Variants in SPTLC2 observed in about 807,000 individuals in gnomAD.
SPTLC2 encodes the protein serine palmitoyltransferase long chain base subunit 2.
Under a neutral mutation model 62.0 loss-of-function variants are expected in SPTLC2, and 21 were observed. The ratio of observed to expected loss-of-function variants is 0.34; its 90% CI spans 0.24 to 0.49. The LOEUF (loss-of-function observed/expected upper bound fraction) is 0.49. SPTLC2 is among the 20% of genes least tolerant of loss of function. The probability of loss-of-function intolerance (pLI) is 0.99; values close to 1 mark genes in which losing one functional copy is unlikely to be tolerated. For missense variants in SPTLC2, 511 were observed against 713.0 expected, an observed-to-expected ratio of 0.72 and a Z score of 3.23; for synonymous variants, 261 against 261.8, an observed-to-expected ratio of 1.00 and a Z score of 0.03.
chr14:77,552,242 A>G lies in SPTLC2; in HGVS notation c.1177-20T>C. 3 of 1,613,784 alleles carry G rather than the reference A, an allele frequency of 1.9e-6. No homozygotes were observed. Among genetic ancestry groups the G allele is most frequent in the East Asian group, 2.2e-5 (1 of 44,876 alleles). On this transcript the variant is annotated intron_variant, in intron 8 of 11. Coordinates refer to ENST00000216484, the MANE Select transcript of SPTLC2 (RefSeq NM_004863.4). ...CAGCTCCTGGGGAGTTCACAGAGGC[A>G]GATAAGTAGAGACAATTCTTGCATT...
At chr14:77,577,963 G>T (rs1285632145) in intron 3 of SPTLC2, among the ~76,000 whole-genome samples, 1 of 151,976 alleles carries the variant, frequency 6.6e-6, no homozygotes, top group Admixed American at 6.6e-5. Flanking sequence ...TGGCCAACAT[G>T]GTGAAACCTC....
At chr14:77,531,419 C>T (rs1289007181) in intron 9 of SPTLC2, among the ~76,000 whole-genome samples, 6 of 125,818 alleles carry the variant, frequency 4.8e-5, no homozygotes. Flanking sequence ...GGGACCATGA[C>T]TTTCTTCTTC....
chr14:77,517,970 A>G lies in SPTLC2; in HGVS notation c.1569+68T>C, dbSNP rs150890999. 1.2e-5 allele frequency: 20 copies of G among 1,602,676 alleles called. No individual in the cohort carries two copies. In the East Asian group the frequency reaches 4.5e-4, roughly 36 times the overall value. On this transcript the variant is annotated intron_variant, in intron 11 of 11. Transcript: ENST00000216484. ...GAACATCAAGATCAATATATTATGA[A>G]TTTCATCTAATATACAGGCCCTTTT... is the stretch of plus-strand genomic sequence containing the variant.
At chr14:77,578,547 T>C (rs1412123488) in intron 3 of SPTLC2, among the ~76,000 whole-genome samples, 2 of 151,966 alleles carry the variant, frequency 1.3e-5, no homozygotes, top group Non-Finnish European at 2.9e-5. Flanking sequence ...TGAAACCCCA[T>C]CTCTACTAAA....
At chr14:77,531,470 C>T (rs1157561402) in intron 9 of SPTLC2, among the ~76,000 whole-genome samples, 74 of 91,368 alleles carry the variant, frequency 8.1e-4, no homozygotes, top group African/African-American at 2.7e-3. Flanking sequence ...TCCTCCTCCT[C>T]CTCCCCCTCC....
Position 77,516,246 on chromosome 14 carries a change from T to C in SPTLC2, c.1569+1792A>G, listed in dbSNP as rs191175343. Among the ~76,000 whole-genome samples, 371 of 152,296 alleles carry C rather than the reference T, an allele frequency of 2.4e-3. 2 individuals carry two copies. Among genetic ancestry groups the C allele is most frequent in the Non-Finnish European group, 4.4e-3 (297 of 68,024 alleles). On this transcript the variant is annotated intron_variant, in intron 11 of 11. Transcript: ENST00000216484. ...CCAACAATCCCTCAAGAGAATCTTA[T>C]GAAAAGGATTAGAACTCTCAGTTGG...
chr14:77,576,683 T>C (rs1297172612), intron 4 of SPTLC2, 84 bp downstream of exon 4: 4 of 1,572,510 alleles, frequency 2.5e-6, no homozygotes, highest in East Asian at 2.2e-5. Flanking sequence ...AGATATTTAA[T>C]ACTCTAGGTC....
chr14:77,610,118 T>C (rs1482402014), intron 1 of SPTLC2, among the ~76,000 whole-genome samples: 1 of 140,932 alleles, frequency 7.1e-6, no homozygotes, highest in African/African-American at 2.6e-5. Context: ...CCTAGTGGTG[T>C]GAAATGGTAT....
At chr14:77,604,445 C>T (rs138222208) in intron 1 of SPTLC2, among the ~76,000 whole-genome samples, 1 of 152,248 alleles carries the variant, frequency 6.6e-6, no homozygotes, top group East Asian at 1.9e-4. Context: ...TTCTGTTGCT[C>T]TCAACTAAAA....
intron 1 of SPTLC2, among the ~76,000 whole-genome samples, chr14:77,603,580 CAT>C (rs1464293155): frequency 6.6e-6 from 1 of 152,180 alleles, no homozygotes; most frequent in Non-Finnish European, 1.5e-5. Context: ...AGTAGAAGTC[CAT>C]AGTTTTTCGT....
intron 9 of SPTLC2, among the ~76,000 whole-genome samples, chr14:77,537,607 C>G (rs2079477936): frequency 6.6e-6 from 1 of 152,098 alleles, no homozygotes; most frequent in Non-Finnish European, 1.5e-5. Flanking sequence ...TTAAGGCAAA[C>G]AATCATCTAA....
intron 1 of SPTLC2, among the ~76,000 whole-genome samples, chr14:77,598,274 A>C (rs1232002395): frequency 1.3e-5 from 2 of 152,186 alleles, no homozygotes; most frequent in African/African-American, 4.8e-5. Flanking sequence ...CTGCATAAGA[A>C]CACCACCTAA....
At chr14:77,554,485 C>G (rs1224031943) in intron 8 of SPTLC2, among the ~76,000 whole-genome samples, 1 of 152,200 alleles carries the variant, frequency 6.6e-6, no homozygotes, top group Non-Finnish European at 1.5e-5. Flanking sequence ...CTAGGTATCA[C>G]ATATTTTAAA....
intron 9 of SPTLC2, among the ~76,000 whole-genome samples, chr14:77,523,661 C>T (rs1246709612): frequency 6.6e-6 from 1 of 152,112 alleles, no homozygotes; most frequent in Non-Finnish European, 1.5e-5. Flanking sequence ...GTATTTTTGT[C>T]CACCAAAATA....
intron 10 of SPTLC2, 125 bp from the exon 11 acceptor site, chr14:77,518,292 T>A (rs2079368738): frequency 7.3e-7 from 1 of 1,371,246 alleles, no homozygotes; most frequent in Admixed American, 2.0e-5. Flanking sequence ...TAATAGGAGT[T>A]TCCTTTAACT....
At chr14:77,557,297 G>C in intron 6 of SPTLC2, 151 bp from the exon 7 acceptor site, 5 of 668,322 alleles carry the variant, frequency 7.5e-6, no homozygotes, top group Non-Finnish European at 1.3e-5. Flanking sequence ...GGGCAAAATA[G>C]GTGAATTATT....
At chr14:77,550,918 GAAA>G (rs11452479) in intron 9 of SPTLC2, among the ~76,000 whole-genome samples, 2 of 138,884 alleles carry the variant, frequency 1.4e-5, no homozygotes, top group African/African-American at 5.3e-5. Flanking sequence ...ACAAAAACCA[GAAA>G]AAAAAAAAAA....
intron 8 of SPTLC2, among the ~76,000 whole-genome samples, chr14:77,552,533 T>C (rs1462529030): frequency 1.3e-5 from 2 of 152,144 alleles, no homozygotes; most frequent in Admixed American, 6.5e-5. Flanking sequence ...TGGCCGTGCA[T>C]GGTGGCTCAT....
At chr14:77,583,674 T>A (rs1429755032) in intron 2 of SPTLC2, among the ~76,000 whole-genome samples, 1 of 152,176 alleles carries the variant, frequency 6.6e-6, no homozygotes, top group Non-Finnish European at 1.5e-5. Flanking sequence ...TATTGAACAT[T>A]TACTGAGCAG....
Sources: allele counts gnomAD v4.1 joint callset (sites outside exome capture counted in the v4.1 genomes callset), GRCh38; gene constraint gnomAD v4.1.1; transcripts MANE v1.5; gene names NCBI Gene and HGNC (gene_info 2026-07-23, HGNC 2026-07-21).